ETNK2: variants seen among roughly 807,000 people sequenced by gnomAD.
ETNK2 encodes ethanolamine kinase-like protein.
Under a neutral mutation model 46.2 loss-of-function variants are expected in ETNK2, and 33 were observed. That is an observed-to-expected ratio of 0.71 (90% confidence interval 0.54 to 0.96). The LOEUF is 0.96. ETNK2 is among the 40% of genes least tolerant of loss of function. The probability of loss-of-function intolerance (pLI) is 0.00; values close to 1 mark genes in which losing one functional copy is unlikely to be tolerated. For synonymous variants in ETNK2, 194 were observed against 209.0 expected, an observed-to-expected ratio of 0.93 and a Z score of 0.62; for missense variants, 445 against 509.7, an observed-to-expected ratio of 0.87 and a Z score of 1.22.
chr1:204,138,764 A>G (rs989599308), intron 5 of ETNK2: 2 of 152,220 alleles, frequency 1.3e-5, no homozygotes, highest in African/African-American at 4.8e-5. Flanking sequence ...ACAGCTCTCC[A>G]GCCCCAGTGT....
chr1:204,139,927 C>T, intron 5 of ETNK2, 108 bp downstream of exon 5: 1 of 859,422 alleles, frequency 1.2e-6, no homozygotes, highest in Middle Eastern at 2.2e-4. Flanking sequence ...AATATGGTAC[C>T]TATTACCGTA....
chr1:204,132,073 ATG>A lies in ETNK2; in HGVS notation c.*109_*110del. 2 of 852,798 alleles carry A rather than the reference ATG, an allele frequency of 2.3e-6. No homozygotes were observed. Among genetic ancestry groups the A allele is most frequent in the Non-Finnish European group, 3.9e-6 (2 of 512,822 alleles). The allele number at this position is 852,798 out of a possible 1,614,324, so 52.8% of individuals were successfully genotyped here. On this transcript the variant is annotated 3_prime_UTR_variant, in exon 8 of 8. Transcript: ENST00000367202. The stretch of plus-strand genomic sequence containing the variant: ...GACAGAGCCTTCTCCCTGGACACCC[ATG>A]TGTCCCCTCTCCCACCCTGTCCAAG...
At chr1:204,144,066 C>T (rs755924067) in intron 3 of ETNK2, among the ~76,000 whole-genome samples, 9 of 152,074 alleles carry the variant, frequency 5.9e-5, no homozygotes, top group South Asian at 2.1e-4. Context: ...GCTTCCTGGC[C>T]GGGCGCAGTG....
rs183548342 is a variant in ETNK2, at chr1:204,143,697, C to T, written c.642-2240G>A. Among the ~76,000 whole-genome samples the T allele has an allele frequency of 7.0e-4, 107 of 152,290 alleles. 1 individual carries two copies. Among genetic ancestry groups the T allele is most frequent in the African/African-American group, 2.4e-3 (101 of 41,550 alleles). On this transcript the variant is annotated intron_variant, in intron 3 of 7. Coordinates refer to ENST00000367202, the MANE Select transcript of ETNK2 (RefSeq NM_018208.4). Reference sequence around the variant, plus strand: ...CCTGATATTGGGACTGCTGCCTGGCCAGTTTCTACTCTGCTGTCAAGATCT... The same window carrying T: ...CCTGATATTGGGACTGCTGCCTGGCTAGTTTCTACTCTGCTGTCAAGATCT...
intron 7 of ETNK2, 124 bp downstream of exon 7, chr1:204,134,391 G>A: frequency 9.3e-7 from 1 of 1,072,852 alleles, no homozygotes; most frequent in East Asian, 2.6e-5. Context: ...GCTGGAACGG[G>A]GGCGAGTCAG....
intron 3 of ETNK2, among the ~76,000 whole-genome samples, chr1:204,143,167 G>A (rs1657627015): frequency 6.6e-6 from 1 of 152,064 alleles, no homozygotes. Context: ...GTGCCGACAG[G>A]TCTGCGTAAG....
At position 204,139,971 on chromosome 1, in the gene ETNK2, A is replaced by T. The variant is rs1013532439; in HGVS notation, c.868+64T>A. Reference sequence around the variant, plus strand: ...GTAATCTCATAGGACCACCATCTACATGCGGTCAGTCATTGACTGAAACAC... The same window carrying T: ...GTAATCTCATAGGACCACCATCTACTTGCGGTCAGTCATTGACTGAAACAC... On this transcript the variant is annotated intron_variant, in intron 5 of 7. Transcript: ENST00000367202. 8.4e-6 allele frequency: 11 copies of T among 1,305,534 alleles called. No homozygotes were observed. In the South Asian group the frequency reaches 1.3e-4, roughly 15 times the overall value. The allele number at this position is 1,305,534 out of a possible 1,614,324, so 80.9% of individuals were successfully genotyped here. A position where few individuals can be genotyped will look rare whatever the true frequency, so the allele number is the denominator to read the frequency against.
Position 204,131,831 on chromosome 1 carries a change from G to A in ETNK2, c.*353C>T, listed in dbSNP as rs1322615652. 2.3e-5 allele frequency: 6 copies of A among 266,450 alleles called. No individual in the cohort carries two copies. The highest frequency in any genetic ancestry group is 4.4e-5 in the Non-Finnish European group (6 of 136,298). 16.5% of individuals were successfully genotyped at this position (266,450 alleles called of 1,614,324 possible). Reference sequence around the variant, plus strand: ...CTCCCCGCCTCCTTCCCCAGGCCAGGAAGGGGTAAACACACATATAAGGCA... The same window carrying A: ...CTCCCCGCCTCCTTCCCCAGGCCAGAAAGGGGTAAACACACATATAAGGCA... On this transcript the variant is annotated 3_prime_UTR_variant, in exon 8 of 8. Coordinates refer to ENST00000367202, the MANE Select transcript of ETNK2 (RefSeq NM_018208.4). This position sits in a 1 kb window ranked among gnomAD's most constrained non-coding sequence, Gnocchi z 4.3.
intron 6 of ETNK2, 197 bp from the exon 7 acceptor site, chr1:204,134,785 C>G: frequency 7.9e-7 from 1 of 1,265,124 alleles, no homozygotes; most frequent in East Asian, 2.3e-5. Context: ...TCCACTCCTG[C>G]TAGAGAAAGG....
Position 204,141,477 on chromosome 1 carries a change from G to A in ETNK2, c.642-20C>T. On this transcript the variant is annotated intron_variant, in intron 3 of 7. Coordinates refer to ENST00000367202, the MANE Select transcript of ETNK2 (RefSeq NM_018208.4). ...GAAAGGCTGGGCAGTGGCAAAAAAG[G>A]TAGCCAGTGAAAGGAGGGCTGATAG... is the stretch of plus-strand genomic sequence containing the variant. The A allele has an allele frequency of 6.4e-7, 1 of 1,560,604 alleles. No individual in the cohort carries two copies. Among genetic ancestry groups the A allele is most frequent in the Non-Finnish European group, 8.7e-7 (1 of 1,152,270 alleles).
chr1:204,136,994 TC>T, intron 6 of ETNK2, 109 bp downstream of exon 6: 3 of 1,426,258 alleles, frequency 2.1e-6, no homozygotes, highest in Non-Finnish European at 9.6e-7. Context: ...GGGATGGGTG[TC>T]CCCAGGCTCT....
At chr1:204,142,776 G>A (rs1190526191) in intron 3 of ETNK2, 1 of 152,240 alleles carries the variant, frequency 6.6e-6, no homozygotes, top group African/African-American at 2.4e-5. Context: ...CAGTGACTGA[G>A]GCACTCCTCT....
chr1:204,149,791 A>G lies in ETNK2; in HGVS notation c.430T>C (p.Tyr144His), dbSNP rs559020342. 5.3e-5 allele frequency: 86 copies of G among 1,607,892 alleles called. 1 individual carries two copies. The South Asian group carries it at 9.2e-4, about 17-fold the overall frequency. The stretch of plus-strand genomic sequence containing the variant: ...CACAGCCCATTCTGGAAGGTGCAGT[A>G]GAGTTTGGGGGCACAGCTGTGTGCT... ...LRAHSCAPKLYCTFQNGLCYE... is the reference protein window; with the variant it reads ...LRAHSCAPKLHCTFQNGLCYE... Residue 144 changes from tyrosine to histidine, a missense_variant, in exon 2 of 8, where the codon TAC becomes CAC. By Grantham distance (83) the Tyr-to-His change is moderately conservative. Coordinates refer to ENST00000367202, the MANE Select transcript of ETNK2 (RefSeq NM_018208.4).
At chr1:204,134,785 C>T in intron 6 of ETNK2, 197 bp from the exon 7 acceptor site, 2 of 1,265,124 alleles carry the variant, frequency 1.6e-6, no homozygotes, top group African/African-American at 1.5e-5. Flanking sequence ...TCCACTCCTG[C>T]TAGAGAAAGG....
chr1:204,135,257 C>T (rs187050314), intron 6 of ETNK2, among the ~76,000 whole-genome samples: 2 of 152,194 alleles, frequency 1.3e-5, no homozygotes, highest in Non-Finnish European at 2.9e-5. Flanking sequence ...GCCCAGGTCA[C>T]CTCAGGCTCA....
chr1:204,146,342 G>A (rs571947060), intron 3 of ETNK2, among the ~76,000 whole-genome samples: 6 of 152,214 alleles, frequency 3.9e-5, no homozygotes, highest in South Asian at 2.1e-4. Flanking sequence ...TCTGAGCTTC[G>A]GCATCCCCTA....
At chr1:204,134,658 G>A in intron 6 of ETNK2, 70 bp from the exon 7 acceptor site, 1 of 1,613,940 alleles carries the variant, frequency 6.2e-7, no homozygotes, top group Non-Finnish European at 8.5e-7. Context: ...CAGCACTGGA[G>A]GGATGCAGTC....
rs1571640364 is a variant in ETNK2 at position 204,151,965 on chromosome 1, G to C, written c.-113C>G. The C allele has an allele frequency of 3.3e-5, 37 of 1,123,380 alleles. 1 individual carries two copies. In the East Asian group the frequency reaches 1.1e-3, roughly 32 times the overall value. 69.6% of individuals were successfully genotyped at this position (1,123,380 alleles called of 1,614,324 possible). ...GCCAGGGGAAGTCCATGACTCAGGC[G>C]CGAGCTGCCCGCTTCGATCGCCGGC... On this transcript the variant is annotated 5_prime_UTR_variant, in exon 1 of 8. Transcript: ENST00000367202. The surrounding 1 kb of genome is among the most constrained non-coding windows in gnomAD (Gnocchi z 8.0).
At chr1:204,134,784 G>T in intron 6 of ETNK2, 196 bp from the exon 7 acceptor site, 1 of 1,262,252 alleles carries the variant, frequency 7.9e-7, no homozygotes, top group Non-Finnish European at 1.1e-6. Flanking sequence ...CTCCACTCCT[G>T]CTAGAGAAAG....
Sources: allele counts gnomAD v4.1 joint callset (sites outside exome capture counted in the v4.1 genomes callset), GRCh38; gene constraint gnomAD v4.1.1; non-coding constraint Gnocchi (gnomAD v3.1); transcripts MANE v1.5; gene names NCBI Gene and HGNC (gene_info 2026-07-23, HGNC 2026-07-21).